The following MRTFA variants were observed in gnomAD, a reference collection of about 807,000 sequenced individuals.
The protein encoded by MRTFA is myocardin related transcription factor A.
In MRTFA, 20 loss-of-function variants were observed where a neutral mutation model predicts 83.5. That is an observed-to-expected ratio of 0.24 (90% CI 0.17 to 0.35). MRTFA has a LOEUF of 0.35. MRTFA is among the 10% of genes least tolerant of loss of function. The probability of loss-of-function intolerance (pLI) is 1.00; values close to 1 mark genes in which losing one functional copy is unlikely to be tolerated. For synonymous variants in MRTFA, 659 were observed against 541.2 expected (o/e 1.22, Z -3.02); for missense variants, 1,200 against 1,224.7 (o/e 0.98, Z 0.30).
chr22:40,447,258 C>A (rs2053397246), intron 4 of MRTFA, among the ~76,000 whole-genome samples: 1 of 151,066 alleles, frequency 6.6e-6, no homozygotes, highest in African/African-American at 2.4e-5. Flanking sequence ...GGAGCCGAGG[C>A]AGGAGGACTG....
rs531818379 is a variant in MRTFA at position 40,628,323 on chromosome 22, C to G, written c.-84+8155G>C. ...AAAACTTGACATGGACATGTTACCT[C>G]ACTGGATATTTTACTCTGTCATATT... On this transcript the variant is annotated intron_variant, in intron 1 of 14. Transcript: ENST00000355630. Among the ~76,000 whole-genome samples, 12 of 152,286 alleles carry G rather than the reference C, an allele frequency of 7.9e-5. No homozygotes were observed. The South Asian group carries it at 2.5e-3, about 32-fold the overall frequency.
rs2052740009 is a variant in MRTFA at position 40,418,500 on chromosome 22, GCCCTGAGGCCC to G, written c.2227_2237del (p.Gly743ProfsTer28). The G allele has an allele frequency of 6.2e-7, 1 of 1,601,638 alleles. No individual in the cohort carries two copies. Reference sequence around the variant, plus strand: ...GTGCAACCCCCTTGATGAGGCTGGGGCCCTGAGGCCCCAGAAGCAACTGGGGGGCGGGGACC... The same window carrying G: ...GTGCAACCCCCTTGATGAGGCTGGGGCAGAAGCAACTGGGGGGCGGGGACC... On this transcript the variant is annotated frameshift_variant, in exon 12 of 15. Coordinates refer to ENST00000355630, the MANE Select transcript of MRTFA (RefSeq NM_020831.6). LOFTEE classifies it high-confidence loss of function.
intron 2 of MRTFA, among the ~76,000 whole-genome samples, chr22:40,589,191 C>T (rs2056079121): frequency 6.6e-6 from 1 of 152,082 alleles, no homozygotes; most frequent in Admixed American, 6.5e-5. Context: ...GAGACAATTA[C>T]AGCAGGAATG....
rs1602209347 is a variant in MRTFA at position 40,419,331 on chromosome 22, G to A, written c.1407C>T (p.Thr469=). The A allele has an allele frequency of 6.2e-7, 1 of 1,613,984 alleles. No individual in the cohort carries two copies. The highest frequency in any genetic ancestry group is 1.3e-5 in the African/African-American group (1 of 75,044). The stretch of plus-strand genomic sequence containing the variant: ...GAAGGCGCTCAATCAGCTCAGTTTT[G>A]GTGCCCGAGACAGGCAGTGATCGCA... Residue 469 remains threonine (T), a synonymous_variant, in exon 12 of 15, where the codon ACC becomes ACT. Transcript: ENST00000355630.
At chr22:40,453,173 T>C (rs1397344317) in intron 4 of MRTFA, among the ~76,000 whole-genome samples, 1 of 152,228 alleles carries the variant, frequency 6.6e-6, no homozygotes, top group Non-Finnish European at 1.5e-5. Context: ...TCAGCCTCAC[T>C]TCTGGAAAAC....
At chr22:40,460,175 T>C (rs1476501714) in intron 4 of MRTFA, among the ~76,000 whole-genome samples, 1 of 152,094 alleles carries the variant, frequency 6.6e-6, no homozygotes, top group Non-Finnish European at 1.5e-5. Context: ...TCCACCCTCC[T>C]CGGCCTCCCA....
In MRTFA at chr22:40,592,148, C is replaced by CCCTG. The variant is rs2147379086; in HGVS notation, c.-22+2525_-22+2526insCAGG. 1.3e-5 allele frequency among the ~76,000 whole-genome samples: 2 copies of CCCTG among 151,520 alleles called. 1 individual carries two copies. The highest frequency in any genetic ancestry group is 4.2e-4 in the South Asian group (2 of 4,798). ...TAATTGTTTTAAAAGAATGTGTGGG[C>CCCTG]CAGGCATGGTGGCTCATGCCTGTAA... On this transcript the variant is annotated intron_variant, in intron 2 of 14. Coordinates refer to ENST00000355630, the MANE Select transcript of MRTFA (RefSeq NM_020831.6).
At chr22:40,633,010 T>C (rs2056657388) in intron 1 of MRTFA, among the ~76,000 whole-genome samples, 1 of 152,166 alleles carries the variant, frequency 6.6e-6, no homozygotes. Context: ...GGTCATTCTC[T>C]TTGTTCAATG....
Position 40,411,274 on chromosome 22 carries a change from G to A in MRTFA, c.*116C>T, listed in dbSNP as rs1242587269. ...AGCCTCCCAGGGAAGGGAAAAAGCA[G>A]GGGCTGTGATTGTCAAGACTCACAA... On this transcript the variant is annotated 3_prime_UTR_variant, in exon 15 of 15. Coordinates refer to ENST00000355630, the MANE Select transcript of MRTFA (RefSeq NM_020831.6). 7.8e-6 allele frequency: 9 copies of A among 1,148,194 alleles called. No homozygotes were observed. The highest frequency in any genetic ancestry group is 2.5e-5 in the Admixed American group (1 of 39,748). The allele number at this position is 1,148,194 out of a possible 1,614,324, so 71.1% of individuals were successfully genotyped here.
intron 1 of MRTFA, among the ~76,000 whole-genome samples, chr22:40,630,795 T>C (rs774518415): frequency 1.3e-5 from 2 of 152,214 alleles, no homozygotes; most frequent in Non-Finnish European, 2.9e-5. Context: ...CTCAAACTCC[T>C]GGGCTCAAGC....
intron 3 of MRTFA, among the ~76,000 whole-genome samples, chr22:40,475,431 G>T (rs1208387876): frequency 6.6e-6 from 1 of 152,078 alleles, no homozygotes; most frequent in African/African-American, 2.4e-5. Flanking sequence ...CAGCTACCAG[G>T]GAGGCTGTGG....
intron 1 of MRTFA, among the ~76,000 whole-genome samples, chr22:40,624,608 T>G (rs2056560440): frequency 6.6e-6 from 1 of 151,962 alleles, no homozygotes; most frequent in African/African-American, 2.4e-5. Context: ...AAGGTAAAGT[T>G]TTGAGAATCC....
chr22:40,419,143 A>G lies in MRTFA; in HGVS notation c.1595T>C (p.Val532Ala), dbSNP rs201163459. The G allele has an allele frequency of 5.7e-6, 9 of 1,586,330 alleles. No homozygotes were observed. The change falls in exon 12 of 15, where the codon GTG (valine) becomes GCG (alanine). Residue 532 changes from valine to alanine, a missense_variant. Val to Ala is a moderately conservative substitution (Grantham distance 64). Around this residue, in one of 2 missense-constraint regions of MRTFA, gnomAD observed 1,107 missense variants for 1,041.8 expected, o/e 1.06. Coordinates refer to ENST00000355630, the MANE Select transcript of MRTFA (RefSeq NM_020831.6). ...CCCACTGCTGGCCACCGTGGCCACCACCACCTCAGCTGGAGCCAGGCCTGC... is the reference window on the plus strand; with the variant it reads ...CCCACTGCTGGCCACCGTGGCCACCGCCACCTCAGCTGGAGCCAGGCCTGC...
At chr22:40,571,669 G>A (rs566874498) in intron 2 of MRTFA, among the ~76,000 whole-genome samples, 13 of 151,716 alleles carry the variant, frequency 8.6e-5, no homozygotes, top group South Asian at 2.1e-4. Context: ...ATATAATCCC[G>A]GCACTTTGAG....
intron 3 of MRTFA, among the ~76,000 whole-genome samples, chr22:40,538,633 A>G (rs952788282): frequency 2.0e-5 from 3 of 152,238 alleles, no homozygotes; most frequent in Non-Finnish European, 4.4e-5. Context: ...AAGATTTTGC[A>G]TTTACTCTCA....
chr22:40,603,336 C>G (rs556478203), intron 1 of MRTFA, among the ~76,000 whole-genome samples: 1 of 152,148 alleles, frequency 6.6e-6, no homozygotes, highest in African/African-American at 2.4e-5. Context: ...ATCTTAAAGG[C>G]CTGTAATTTA....
intron 1 of MRTFA, among the ~76,000 whole-genome samples, chr22:40,595,280 C>T (rs957875126): frequency 6.6e-6 from 1 of 151,740 alleles, no homozygotes; most frequent in African/African-American, 2.4e-5. Flanking sequence ...ACCATTACGT[C>T]GGGCTATTTT....
At chr22:40,636,174 G>A (rs531480176) in intron 1 of MRTFA, among the ~76,000 whole-genome samples, 115 of 152,306 alleles carry the variant, frequency 7.6e-4, no homozygotes, top group South Asian at 1.5e-3. Context: ...GGAGAAGCGA[G>A]GGCGAGGACC....
At chr22:40,461,991 T>C (rs2053723040) in intron 4 of MRTFA, among the ~76,000 whole-genome samples, 1 of 152,198 alleles carries the variant, frequency 6.6e-6, no homozygotes, top group South Asian at 2.1e-4. Flanking sequence ...AGACACTTGC[T>C]TTTTCTTCTC....
Sources: gnomAD v4.1 joint callset for allele counts (sites outside exome capture counted in the v4.1 genomes callset) on GRCh38, gnomAD v4.1.1 for gene constraint, gnomAD v4.1.1 regional missense constraint, MANE v1.5 for transcripts, NCBI Gene and HGNC (gene_info 2026-07-23, HGNC 2026-07-21) for gene names.